The following SRD5A3 variants were observed in gnomAD, a reference collection of about 807,000 sequenced individuals.
The protein encoded by SRD5A3 is polyprenal reductase.
A neutral mutation model predicts 34.3 loss-of-function variants in SRD5A3; 24 were observed. That is an observed-to-expected ratio of 0.70 (90% CI 0.51 to 0.99). The LOEUF (loss-of-function observed/expected upper bound fraction) is 0.99. Ranked by LOEUF, SRD5A3 falls within the 50% of genes least tolerant of loss-of-function variation. The pLI, the probability that SRD5A3 is intolerant of heterozygous loss-of-function variation, is 0.00. For missense variants in SRD5A3, 350 were observed against 388.2 expected, an observed-to-expected ratio of 0.90 and a Z score of 0.83; for synonymous variants, 161 against 167.3, an observed-to-expected ratio of 0.96 and a Z score of 0.29.
intron 1 of SRD5A3, among the ~76,000 whole-genome samples, chr4:55,350,134 C>G (rs961275054): frequency 2.0e-5 from 3 of 152,122 alleles, no homozygotes; most frequent in Admixed American, 6.6e-5. Context: ...CTTTGGGAGG[C>G]TGAGGCGGGT....
At chr4:55,356,441 T>C (rs1226436241) in intron 1 of SRD5A3, among the ~76,000 whole-genome samples, 1 of 152,178 alleles carries the variant, frequency 6.6e-6, no homozygotes, top group Non-Finnish European at 1.5e-5. Flanking sequence ...CACCACCACC[T>C]ATCTCCAGAA....
At chr4:55,361,893 G>A (rs1245693991) in intron 2 of SRD5A3, among the ~76,000 whole-genome samples, 1 of 152,134 alleles carries the variant, frequency 6.6e-6, no homozygotes, top group East Asian at 1.9e-4. Context: ...TCATCTCTTC[G>A]TTTGTTTACT....
chr4:55,346,683 C>T, intron 1 of SRD5A3, 126 bp downstream of exon 1: 9 of 898,798 alleles, frequency 1.0e-5, no homozygotes, highest in Non-Finnish European at 9.3e-6. Flanking sequence ...GGCGGGTTCC[C>T]GGGCGCAGCA....
At position 55,369,874 on chromosome 4, in the gene SRD5A3, G is replaced by A; in HGVS notation, c.740G>A (p.Trp247Ter). ...HCNHRIPFGDWFEYVSSPNYL... is the reference protein window; with the variant it reads ...HCNHRIPFGD The stretch of plus-strand genomic sequence containing the variant: ...AACCACAGGATCCCATTTGGAGACT[G>A]GTTTGAATATGTTTCTTCCCCTAAC... The change falls in exon 5 of 5, where the codon TGG (tryptophan) becomes TAG (stop). Residue 247 changes from tryptophan (W) to a stop codon, truncating the protein, a stop_gained. Coordinates refer to ENST00000264228, the MANE Select transcript of SRD5A3 (RefSeq NM_024592.5). LOFTEE classifies it high-confidence loss of function. The A allele has an allele frequency of 6.2e-7, 1 of 1,614,152 alleles. No homozygotes were observed. Among genetic ancestry groups the A allele is most frequent in the Non-Finnish European group, 8.5e-7 (1 of 1,180,020 alleles).
chr4:55,359,731 G>C (rs1719606906), intron 2 of SRD5A3, among the ~76,000 whole-genome samples: 1 of 152,176 alleles, frequency 6.6e-6, no homozygotes, highest in African/African-American at 2.4e-5. Flanking sequence ...TTCCCAGCAA[G>C]TGCTGTGTTG....
At chr4:55,350,056 T>C (rs1243280755) in intron 1 of SRD5A3, among the ~76,000 whole-genome samples, 1 of 152,178 alleles carries the variant, frequency 6.6e-6, no homozygotes, top group Non-Finnish European at 1.5e-5. Context: ...TAGATCTTGT[T>C]AGTAGACACA....
intron 1 of SRD5A3, among the ~76,000 whole-genome samples, chr4:55,355,108 G>A (rs1389790649): frequency 1.3e-5 from 2 of 152,218 alleles, no homozygotes; most frequent in Non-Finnish European, 2.9e-5. Context: ...ATTGGCTTTT[G>A]GAGGCTCAAG....
chr4:55,359,940 C>T lies in SRD5A3; in HGVS notation c.364+452C>T, dbSNP rs189265613. The stretch of plus-strand genomic sequence containing the variant: ...TAAAAATTACTTTTTCTGTCGGGTG[C>T]GGTGGCTCACGCCTGTAATCCCAGC... On this transcript the variant is annotated intron_variant, in intron 2 of 4. Coordinates refer to ENST00000264228, the MANE Select transcript of SRD5A3 (RefSeq NM_024592.5). Among the ~76,000 whole-genome samples, 440 of 152,294 alleles carry T rather than the reference C, an allele frequency of 2.9e-3. 2 individuals carry two copies. The highest frequency in any genetic ancestry group is 1.9e-3 in the African/African-American group (77 of 41,566).
chr4:55,347,948 A>C (rs185197987), intron 1 of SRD5A3, among the ~76,000 whole-genome samples: 1 of 152,212 alleles, frequency 6.6e-6, no homozygotes. Flanking sequence ...GAATCCTTTT[A>C]TACTTCACAG....
chr4:55,359,386 G>A lies in SRD5A3; in HGVS notation c.262G>A (p.Gly88Ser), dbSNP rs374807694. The change falls in exon 2 of 5, where the codon GGC becomes AGC. Residue 88 changes from glycine (G) to serine (S), a missense_variant. Transcript: ENST00000264228. ...TTATATCATCTCAGTGCTGTGGAAT[G>A]GCTTCCTGCTTTGGTGCCTTACTCA... ...HFYIISVLWN[G>S]FLLWCLTQSL... is the part of the protein sequence containing the mutation. The A allele has an allele frequency of 2.2e-5, 36 of 1,613,826 alleles. No individual in the cohort carries two copies. The highest frequency in any genetic ancestry group is 2.8e-5 in the Non-Finnish European group (33 of 1,180,024).
At chr4:55,354,821 C>G (rs553209314) in intron 1 of SRD5A3, among the ~76,000 whole-genome samples, 1 of 151,268 alleles carries the variant, frequency 6.6e-6, no homozygotes, top group Non-Finnish European at 1.5e-5. Flanking sequence ...TGTGTGTGCG[C>G]GCGTGCGTGC....
intron 1 of SRD5A3, among the ~76,000 whole-genome samples, chr4:55,351,133 C>T (rs1257167210): frequency 2.8e-5 from 4 of 141,856 alleles, no homozygotes; most frequent in Non-Finnish European, 6.1e-5. Context: ...AGTGCAATGG[C>T]GCAATATCGG....
At chr4:55,365,045 C>T (rs900810873) in intron 3 of SRD5A3, among the ~76,000 whole-genome samples, 3 of 152,102 alleles carry the variant, frequency 2.0e-5, no homozygotes, top group African/African-American at 4.8e-5. Flanking sequence ...TTTGTAAAAA[C>T]AATGCATGAT....
intron 1 of SRD5A3, chr4:55,352,056 C>T: frequency 1.3e-6 from 1 of 770,966 alleles, no homozygotes; most frequent in Admixed American, 1.7e-5. Context: ...AGAGCCACTC[C>T]ATACTTCTGC....
intron 4 of SRD5A3, chr4:55,369,532 C>T (rs1443853773): frequency 2.1e-5 from 8 of 380,960 alleles, no homozygotes; most frequent in Non-Finnish European, 3.4e-5. Flanking sequence ...CAGTTTGAGA[C>T]CAACCTGGGC....
intron 2 of SRD5A3, among the ~76,000 whole-genome samples, chr4:55,362,510 C>T (rs962945852): frequency 6.6e-6 from 1 of 151,620 alleles, no homozygotes; most frequent in Admixed American, 6.6e-5. Flanking sequence ...GCTGGAGTGC[C>T]GTGGCATGAT....
chr4:55,351,873 A>AT (rs1560365922), intron 1 of SRD5A3: 1 of 616,634 alleles, frequency 1.6e-6, no homozygotes, highest in Non-Finnish European at 3.1e-6. Context: ...ATGGTTAGAA[A>AT]TGTACATGAC....
Position 55,362,631 on chromosome 4 carries a change from T to A in SRD5A3, c.365-1443T>A, listed in dbSNP as rs911731446. The stretch of plus-strand genomic sequence containing the variant: ...CACTATGCCCAGCTAATTTTTTTTT[T>A]AATGTTTTTAGAGATGGGGTACCTG... On this transcript the variant is annotated intron_variant, in intron 2 of 4. Transcript: ENST00000264228. 6.4e-5 allele frequency among the ~76,000 whole-genome samples: 9 copies of A among 141,406 alleles called. No individual in the cohort carries two copies. The South Asian group carries it at 6.7e-4, about 11-fold the overall frequency. 92.8% of individuals were successfully genotyped at this position (141,406 alleles called of 152,430 possible).
chr4:55,356,675 T>C (rs377062111), intron 1 of SRD5A3, among the ~76,000 whole-genome samples: 14 of 151,816 alleles, frequency 9.2e-5, no homozygotes, highest in African/African-American at 3.1e-4. Context: ...TGGGGCCTCA[T>C]TATGTTGCTC....
Sources: allele counts gnomAD v4.1 joint callset (sites outside exome capture counted in the v4.1 genomes callset), GRCh38; gene constraint gnomAD v4.1.1; transcripts MANE v1.5; gene names NCBI Gene and HGNC (gene_info 2026-07-23, HGNC 2026-07-21).